The following DCDC1 variants were observed in gnomAD, a reference collection of about 807,000 sequenced individuals.
DCDC1 encodes doublecortin domain-containing protein 1.
A neutral mutation model predicts 178.3 loss-of-function variants in DCDC1; 200 were observed. The observed-to-expected ratio is 1.12, with a 90% CI of 1.00 to 1.26. DCDC1 has a LOEUF of 1.26. Among genes scored for constraint, DCDC1 ranks in the 50% most tolerant of loss-of-function variants. DCDC1 has a pLI of 0.00. For synonymous variants in DCDC1, 690 were observed against 604.8 expected (o/e 1.14, Z -2.07); for missense variants, 1,983 against 1,749.2 (o/e 1.13, Z -2.38).
Position 31,216,657 on chromosome 11 carries a change from T to G in DCDC1, c.1221+24793A>C, listed in dbSNP as rs139570239. On this transcript the variant is annotated intron_variant, in intron 9 of 38. Coordinates refer to ENST00000684477, the MANE Select transcript of DCDC1 (RefSeq NM_001387274.1). ...CTCAAGGCAGGTGCTTCATAGTTCA[T>G]GCACAGAAACCACCTCCAGCCATCC... Among the ~76,000 whole-genome samples the G allele has an allele frequency of 7.3e-4, 111 of 152,328 alleles. 1 individual carries two copies. The highest frequency in any genetic ancestry group is 2.4e-3 in the African/African-American group (99 of 41,586).
intron 9 of DCDC1, among the ~76,000 whole-genome samples, chr11:31,233,614 G>A (rs1976096532): frequency 1.3e-5 from 2 of 152,162 alleles, no homozygotes; most frequent in African/African-American, 2.4e-5. Context: ...ACACTGAAGG[G>A]CCTAAAGGTG....
At chr11:31,279,824 G>T (rs569234941) in intron 7 of DCDC1, among the ~76,000 whole-genome samples, 8 of 152,022 alleles carry the variant, frequency 5.3e-5, no homozygotes, top group South Asian at 2.1e-4. Context: ...ACCATGGCAC[G>T]TGTATACCTA....
rs372857611 is a variant in DCDC1 at position 30,887,440 on chromosome 11, G to A, written c.5082+5378C>T. On this transcript the variant is annotated intron_variant, in intron 36 of 38. Transcript: ENST00000684477. ...AATTGGCTTCTTTTAACAGATCAAC[G>A]TAATGTGTGCTGTGAGATGTATGTA... Among the ~76,000 whole-genome samples the A allele has an allele frequency of 3.9e-5, 6 of 152,258 alleles. No individual in the cohort carries two copies. The East Asian group carries it at 5.8e-4, about 15-fold the overall frequency.
In DCDC1 at chr11:31,360,103, T is replaced by C. The variant is rs773858138; in HGVS notation, c.-125+9594A>G. On this transcript the variant is annotated intron_variant, in intron 1 of 38. Transcript: ENST00000684477. ...GCCTCCTGAATTGTCCAAGAAAACA[T>C]GTCTAGACATGGTAGAAAGTATTCC... is the stretch of plus-strand genomic sequence containing the variant. Among the ~76,000 whole-genome samples, 16 of 152,360 alleles carry C rather than the reference T, an allele frequency of 1.1e-4. 1 individual carries two copies. The highest frequency in any genetic ancestry group is 1.9e-4 in the East Asian group (1 of 5,186).
At chr11:30,996,844 AT>A (rs1260762048) in intron 20 of DCDC1, among the ~76,000 whole-genome samples, 7 of 152,224 alleles carry the variant, frequency 4.6e-5, no homozygotes, top group Admixed American at 1.3e-4. Context: ...ACTGCTAGGT[AT>A]TTTCTCACAT....
chr11:31,181,944 T>C (rs922326411), intron 9 of DCDC1, among the ~76,000 whole-genome samples: 4 of 152,098 alleles, frequency 2.6e-5, no homozygotes, highest in African/African-American at 9.7e-5. Context: ...TTGTGAAGCA[T>C]ATACAAGGAT....
intron 9 of DCDC1, among the ~76,000 whole-genome samples, chr11:31,152,652 C>T (rs1158360466): frequency 6.6e-6 from 1 of 152,212 alleles, no homozygotes; most frequent in Non-Finnish European, 1.5e-5. Flanking sequence ...TCAGCTCACA[C>T]ATTTGTTGAA....
chr11:31,116,290 A>C (rs887639108), intron 11 of DCDC1, among the ~76,000 whole-genome samples: 1 of 152,112 alleles, frequency 6.6e-6, no homozygotes, highest in Non-Finnish European at 1.5e-5. Context: ...TGAAATGAAA[A>C]ATTTTAAAGG....
chr11:31,002,732 G>A (rs1225917532), intron 20 of DCDC1, among the ~76,000 whole-genome samples: 1 of 152,104 alleles, frequency 6.6e-6, no homozygotes, highest in Non-Finnish European at 1.5e-5. Context: ...ATTTTTGAAA[G>A]AGAGATTCTG....
chr11:31,088,545 C>T (rs1216438140), intron 17 of DCDC1, among the ~76,000 whole-genome samples: 1 of 152,148 alleles, frequency 6.6e-6, no homozygotes, highest in Non-Finnish European at 1.5e-5. Context: ...CATCATTTCA[C>T]AAATGGTATA....
chr11:31,139,598 G>A (rs1963575538), intron 9 of DCDC1, among the ~76,000 whole-genome samples: 1 of 152,008 alleles, frequency 6.6e-6, no homozygotes, highest in African/African-American at 2.4e-5. Context: ...TTTCTTAAAG[G>A]GAAGCAAAAC....
chr11:31,306,418 T>C (rs1264019062), intron 4 of DCDC1, 30 bp from the exon 5 acceptor site: 1 of 1,571,526 alleles, frequency 6.4e-7, no homozygotes, highest in Non-Finnish European at 8.6e-7. Flanking sequence ...GAAAAATTGA[T>C]GCATGCTAAT....
intron 20 of DCDC1, among the ~76,000 whole-genome samples, chr11:31,040,717 T>C (rs891567999): frequency 3.3e-5 from 5 of 152,190 alleles, no homozygotes; most frequent in Non-Finnish European, 5.9e-5. Context: ...CAAGGTAATC[T>C]TATAGTTGAC....
chr11:31,164,021 A>G (rs1051739157), intron 9 of DCDC1, among the ~76,000 whole-genome samples: 2 of 152,178 alleles, frequency 1.3e-5, no homozygotes, highest in Non-Finnish European at 2.9e-5. Flanking sequence ...TGTAAATAAC[A>G]TAAAGTAACA....
intron 17 of DCDC1, among the ~76,000 whole-genome samples, chr11:31,083,756 G>C (rs1322892592): frequency 6.6e-6 from 1 of 152,144 alleles, no homozygotes; most frequent in Non-Finnish European, 1.5e-5. Context: ...CAAAATCCAT[G>C]GGTTAACAGT....
At chr11:31,005,997 A>G (rs147865770) in intron 20 of DCDC1, among the ~76,000 whole-genome samples, 12 of 145,986 alleles carry the variant, frequency 8.2e-5, no homozygotes, top group Admixed American at 4.2e-4. Context: ...CCTATTGACT[A>G]CTCTTTATTT....
chr11:31,145,790 T>C (rs2136059513), intron 9 of DCDC1, among the ~76,000 whole-genome samples: 1 of 152,316 alleles, frequency 6.6e-6, no homozygotes, highest in South Asian at 2.1e-4. Context: ...TTGATACACT[T>C]GATTGTCCTT....
intron 20 of DCDC1, among the ~76,000 whole-genome samples, chr11:30,994,089 G>A (rs1951122783): frequency 6.6e-6 from 1 of 152,042 alleles, no homozygotes; most frequent in Non-Finnish European, 1.5e-5. Flanking sequence ...TATAAAAAAG[G>A]AATGAAACAT....
At chr11:31,252,422 T>A (rs1944105573) in intron 8 of DCDC1, among the ~76,000 whole-genome samples, 1 of 152,096 alleles carries the variant, frequency 6.6e-6, no homozygotes, top group Non-Finnish European at 1.5e-5. Context: ...AAAAGCAAAT[T>A]GTGAAAATAA....
Sources: gnomAD v4.1 joint callset for allele counts (sites outside exome capture counted in the v4.1 genomes callset) on GRCh38, gnomAD v4.1.1 for gene constraint, MANE v1.5 for transcripts, NCBI Gene and HGNC (gene_info 2026-07-23, HGNC 2026-07-21) for gene names.